The following EVC2 variants were observed in gnomAD, a reference collection of about 807,000 sequenced individuals.
EVC2 encodes EvC ciliary complex subunit 2.
A neutral mutation model predicts 149.3 loss-of-function variants in EVC2; 148 were observed. That is an observed-to-expected ratio of 0.99 (90% CI 0.87 to 1.14). EVC2 has a LOEUF of 1.14. Among genes scored for constraint, EVC2 ranks in the 50% most tolerant of loss-of-function variants. EVC2 has a pLI of 0.00. For missense variants in EVC2, 1,854 were observed against 1,627.3 expected (o/e 1.14, Z -2.40); for synonymous variants, 776 against 649.9 (o/e 1.19, Z -2.95).
chr4:5,662,492 AATATTAAAT>A (rs1398402723), intron 9 of EVC2, among the ~76,000 whole-genome samples: 13 of 103,296 alleles, frequency 1.3e-4, no homozygotes, highest in African/African-American at 4.8e-4. Context: ...ATATAATATT[AATATTAAAT>A]ATATTAAATA....
intron 9 of EVC2, among the ~76,000 whole-genome samples, chr4:5,656,754 G>T (rs986897589): frequency 1.3e-5 from 2 of 152,350 alleles, no homozygotes; most frequent in South Asian, 4.1e-4. Context: ...TCAGCCCAGA[G>T]AAAGTGATTT....
intron 9 of EVC2, among the ~76,000 whole-genome samples, chr4:5,643,172 C>G (rs1280679196): frequency 6.6e-6 from 1 of 152,120 alleles, no homozygotes; most frequent in African/African-American, 2.4e-5. Context: ...TTAAAGACAC[C>G]TCAAAAGACA....
intron 17 of EVC2, among the ~76,000 whole-genome samples, chr4:5,578,491 G>A (rs1229869069): frequency 6.6e-6 from 1 of 152,188 alleles, no homozygotes; most frequent in Admixed American, 6.5e-5. Flanking sequence ...GAAATCTCCT[G>A]AAATCACAGA....
chr4:5,551,610 A>C (rs1041138473), intron 21 of EVC2, among the ~76,000 whole-genome samples: 11 of 152,320 alleles, frequency 7.2e-5, no homozygotes, highest in Middle Eastern at 6.8e-3. Flanking sequence ...GTTAATGCTG[A>C]AATGAGTTAA....
chr4:5,634,835 A>C (rs1227532537), intron 10 of EVC2, among the ~76,000 whole-genome samples: 2 of 152,058 alleles, frequency 1.3e-5, no homozygotes, highest in Non-Finnish European at 2.9e-5. Flanking sequence ...CTGGTGTGAC[A>C]GGCACTAGGA....
At chr4:5,687,388 C>G (rs16837562) in intron 5 of EVC2, among the ~76,000 whole-genome samples, 21,519 of 152,138 alleles carry the variant, frequency 0.14, 1,768 homozygotes, top group African/African-American at 0.23. Context: ...CAGCGCCTTC[C>G]TAGGTGGGTG....
At position 5,696,702 on chromosome 4, in the gene EVC2, C is replaced by A. The variant is rs1721499145; in HGVS notation, c.283+891G>T. 6.6e-6 allele frequency among the ~76,000 whole-genome samples: 1 copy of A among 152,178 alleles called. No individual in the cohort carries two copies. Among genetic ancestry groups the A allele is most frequent in the African/African-American group, 2.4e-5 (1 of 41,442 alleles). ...GGCAGAGCCGTAGGAGCATTGAGAACCTTGTGCTCCTGGGTCCAGCAGTGC... is the reference window on the plus strand; with the variant it reads ...GGCAGAGCCGTAGGAGCATTGAGAAACTTGTGCTCCTGGGTCCAGCAGTGC... On this transcript the variant is annotated intron_variant, in intron 2 of 21. Transcript: ENST00000344408. The surrounding 1 kb of genome is among the most constrained non-coding windows in gnomAD (Gnocchi z 4.1).
chr4:5,643,863 C>T (rs533485929), intron 9 of EVC2, among the ~76,000 whole-genome samples: 151 of 152,252 alleles, frequency 9.9e-4, no homozygotes, highest in South Asian at 2.5e-3. Flanking sequence ...CCACGGCACT[C>T]CAGCCTGGGC....
At chr4:5,675,427 T>C (rs77622124) in intron 7 of EVC2, among the ~76,000 whole-genome samples, 4,070 of 152,302 alleles carry the variant, frequency 0.027, 181 homozygotes, top group African/African-American at 0.092. Flanking sequence ...TTAAAACATA[T>C]TGATAGATGT....
Position 5,613,733 on chromosome 4 carries a change from T to C in EVC2, c.2829+1689A>G, listed in dbSNP as rs1401959654. Among the ~76,000 whole-genome samples the C allele has an allele frequency of 6.6e-6, 1 of 152,204 alleles. No individual in the cohort carries two copies. Among genetic ancestry groups the C allele is most frequent in the Non-Finnish European group, 1.5e-5 (1 of 68,042 alleles). On this transcript the variant is annotated intron_variant, in intron 16 of 21. Transcript: ENST00000344408. This position sits in a 1 kb window ranked among gnomAD's most constrained non-coding sequence, Gnocchi z 4.6. ...TGGCTCTCACATTGATGTATATCTC[T>C]TGAATTAGCCTTTAACAATAGGTAA... is the stretch of plus-strand genomic sequence containing the variant.
At chr4:5,579,335 T>C (rs1711551293) in intron 17 of EVC2, among the ~76,000 whole-genome samples, 1 of 152,176 alleles carries the variant, frequency 6.6e-6, no homozygotes, top group Non-Finnish European at 1.5e-5. Flanking sequence ...GAAAATGTCA[T>C]GGGATGGACA....
chr4:5,532,324 G>T, the EVC2 span, among the ~76,000 whole-genome samples: 1 of 152,112 alleles, frequency 6.6e-6, no homozygotes, highest in East Asian at 1.9e-4. Context: ...CCACATTATG[G>T]AGGGCAACCT....
intron 16 of EVC2, among the ~76,000 whole-genome samples, chr4:5,606,409 C>T (rs1286839945): frequency 6.6e-6 from 1 of 152,194 alleles, no homozygotes; most frequent in Non-Finnish European, 1.5e-5. Flanking sequence ...GCGGAATCCA[C>T]AGAAGGGCAT....
chr4:5,642,276 G>A (rs1717388505), intron 9 of EVC2, among the ~76,000 whole-genome samples: 2 of 152,102 alleles, frequency 1.3e-5, no homozygotes, highest in African/African-American at 2.4e-5. Context: ...TAGAATTAAT[G>A]AAGACATTTT....
At position 5,568,398 on chromosome 4, in the gene EVC2, G is replaced by A. The variant is rs568567865; in HGVS notation, c.3557+46C>T. The A allele has an allele frequency of 2.6e-6, 4 of 1,531,184 alleles. No individual in the cohort carries two copies. The South Asian group carries it at 3.6e-5, about 14-fold the overall frequency. The allele number at this position is 1,531,184 out of a possible 1,614,324, so 94.8% of individuals were successfully genotyped here. On this transcript the variant is annotated intron_variant, in intron 20 of 21. Coordinates refer to ENST00000344408, the MANE Select transcript of EVC2 (RefSeq NM_147127.5). ...ACCTTGAGGACTCATGGGGACCCTT[G>A]TGGACAGGGACGTGCCCCGGGAGGC...
intron 5 of EVC2, 107 bp downstream of exon 5, chr4:5,689,050 A>C: frequency 8.2e-7 from 1 of 1,218,104 alleles, no homozygotes; most frequent in Non-Finnish European, 1.2e-6. Flanking sequence ...AGGAGAGTGA[A>C]CATGTGTAAG....
intron 17 of EVC2, among the ~76,000 whole-genome samples, chr4:5,577,373 G>A (rs1217124455): frequency 6.6e-6 from 1 of 152,172 alleles, no homozygotes; most frequent in Admixed American, 6.5e-5. Context: ...GTGGGTTGTG[G>A]GCGGAGGCAG....
At chr4:5,699,304 C>T (rs1721678719) in intron 1 of EVC2, among the ~76,000 whole-genome samples, 1 of 152,184 alleles carries the variant, frequency 6.6e-6, no homozygotes, top group Non-Finnish European at 1.5e-5. Context: ...AGTTTGTTCA[C>T]ACGGAGCTTA....
At chr4:5,689,518 G>T (rs1209595493) in intron 4 of EVC2, among the ~76,000 whole-genome samples, 175 bp from the exon 5 acceptor site, 2 of 152,176 alleles carry the variant, frequency 1.3e-5, no homozygotes, top group African/African-American at 2.4e-5. Context: ...CCCCCAAGAG[G>T]TTTTGACCCA....
Sources: gnomAD v4.1 joint callset for allele counts (sites outside exome capture counted in the v4.1 genomes callset) on GRCh38, gnomAD v4.1.1 for gene constraint, Gnocchi (gnomAD v3.1) non-coding constraint, MANE v1.5 for transcripts, NCBI Gene and HGNC (gene_info 2026-07-23, HGNC 2026-07-21) for gene names.